GRIK4: variants seen among roughly 807,000 people sequenced by gnomAD.
GRIK4 encodes the protein glutamate ionotropic receptor kainate type subunit 4.
GRIK4 carries 40 observed loss-of-function variants against 104.9 expected under a neutral mutation model. The ratio of observed to expected loss-of-function variants is 0.38; its 90% CI spans 0.30 to 0.50. The LOEUF is 0.50. Among genes scored for constraint, GRIK4 ranks in the 20% least tolerant of loss-of-function variants. GRIK4 has a pLI of 0.93. For missense variants in GRIK4, 1,047 were observed against 1,308.1 expected, an observed-to-expected ratio of 0.80 and a Z score of 3.08; for synonymous variants, 485 against 524.9, an observed-to-expected ratio of 0.92 and a Z score of 1.04.
chr11:120,970,048 C>G (rs1944449524), intron 19 of GRIK4, among the ~76,000 whole-genome samples: 1 of 152,178 alleles, frequency 6.6e-6, no homozygotes, highest in South Asian at 2.1e-4. Flanking sequence ...CAGAGCCAGG[C>G]ACATAGTAGT....
At position 120,848,573 on chromosome 11, in the gene GRIK4, C is replaced by A. The variant is rs559499212; in HGVS notation, c.744+11729C>A. Among the ~76,000 whole-genome samples, 8 of 152,196 alleles carry A rather than the reference C, an allele frequency of 5.3e-5. No homozygotes were observed. The South Asian group carries it at 1.2e-3, about 24-fold the overall frequency. On this transcript the variant is annotated intron_variant, in intron 8 of 20. Transcript: ENST00000527524. ...TGCATGGGAACTTTCCCCAAGAGTA[C>A]CCCAATATTAGGCTGTTCTATTTGG...
At chr11:120,717,853 G>T (rs2852225) in intron 3 of GRIK4, among the ~76,000 whole-genome samples, 36,620 of 152,052 alleles carry the variant, frequency 0.24, 5,551 homozygotes, top group African/African-American at 0.44. Flanking sequence ...GAGGCTCCAC[G>T]GGCTTAGGCC....
In GRIK4 at chr11:120,831,844, C is replaced by T. The variant is rs1264983713; in HGVS notation, c.512-8C>T. The T allele has an allele frequency of 3.1e-6, 5 of 1,608,904 alleles. No individual in the cohort carries two copies. The highest frequency in any genetic ancestry group is 4.3e-6 in the Non-Finnish European group (5 of 1,175,938). On this transcript the variant is annotated splice_polypyrimidine_tract_variant and splice_region_variant and intron_variant, in intron 6 of 20. Coordinates refer to ENST00000527524, the MANE Select transcript of GRIK4 (RefSeq NM_014619.5). ...ACCCTCAGGGGCTTCATCCTCTCTC[C>T]CCTCCAGGCCTTTTAAACCTAGAGA...
chr11:120,599,875 C>T (rs895340209), intron 1 of GRIK4, among the ~76,000 whole-genome samples: 1 of 152,204 alleles, frequency 6.6e-6, no homozygotes, highest in Non-Finnish European at 1.5e-5. Flanking sequence ...ACAAGGGAAC[C>T]CCTGCCCCAG....
At chr11:120,717,112 T>C (rs949787421) in intron 3 of GRIK4, among the ~76,000 whole-genome samples, 1 of 152,208 alleles carries the variant, frequency 6.6e-6, no homozygotes, top group African/African-American at 2.4e-5. Flanking sequence ...AGATTTTTCC[T>C]GCCGACGGAA....
chr11:120,677,233 G>C (rs919692653), intron 3 of GRIK4, among the ~76,000 whole-genome samples: 7 of 152,328 alleles, frequency 4.6e-5, no homozygotes, highest in African/African-American at 1.7e-4. Flanking sequence ...GGCACTAAAG[G>C]AGTAGCCTGA....
At chr11:120,757,831 C>G (rs1238892050) in intron 3 of GRIK4, among the ~76,000 whole-genome samples, 2 of 152,172 alleles carry the variant, frequency 1.3e-5, no homozygotes, top group Non-Finnish European at 2.9e-5. Flanking sequence ...TCCGTTCCCA[C>G]CCCGCACAGG....
chr11:120,618,551 A>G (rs1422223775), intron 1 of GRIK4, among the ~76,000 whole-genome samples: 1 of 152,226 alleles, frequency 6.6e-6, no homozygotes, highest in Non-Finnish European at 1.5e-5. Flanking sequence ...TTCAGAGACC[A>G]TTGTGGCAGC....
chr11:120,919,247 G>A (rs1435192425), intron 13 of GRIK4, among the ~76,000 whole-genome samples: 1 of 152,182 alleles, frequency 6.6e-6, no homozygotes, highest in Non-Finnish European at 1.5e-5. Context: ...TGTCCACATC[G>A]CAGGCTGAAG....
chr11:120,919,565 C>A (rs1943183066), intron 13 of GRIK4, among the ~76,000 whole-genome samples: 1 of 152,162 alleles, frequency 6.6e-6, no homozygotes, highest in Non-Finnish European at 1.5e-5. Context: ...ACTTAACAGG[C>A]CCTCCAGGTG....
At chr11:120,921,662 G>A (rs1050644078) in intron 13 of GRIK4, among the ~76,000 whole-genome samples, 5 of 152,226 alleles carry the variant, frequency 3.3e-5, no homozygotes, top group South Asian at 4.2e-4. Context: ...CACTGCATGC[G>A]CGGCCCCATC....
intron 3 of GRIK4, among the ~76,000 whole-genome samples, chr11:120,750,208 C>G (rs1951523112): frequency 6.6e-6 from 1 of 151,952 alleles, no homozygotes; most frequent in African/African-American, 2.4e-5. Flanking sequence ...AGCCTGAGTG[C>G]CAAGTGTTTC....
At chr11:120,534,790 G>A (rs945279159) in intron 1 of GRIK4, among the ~76,000 whole-genome samples, 4 of 152,208 alleles carry the variant, frequency 2.6e-5, no homozygotes, top group African/African-American at 7.2e-5. Flanking sequence ...CTGCAGCCCA[G>A]CTGAGGAGAG....
intron 1 of GRIK4, among the ~76,000 whole-genome samples, chr11:120,626,607 C>T (rs922948891): frequency 7.9e-5 from 12 of 152,296 alleles, no homozygotes; most frequent in African/African-American, 2.9e-4. Flanking sequence ...GTCTCAAGCT[C>T]ACCTTGATCC....
intron 13 of GRIK4, among the ~76,000 whole-genome samples, chr11:120,928,693 C>T (rs1180116884): frequency 6.6e-6 from 1 of 152,176 alleles, no homozygotes; most frequent in Non-Finnish European, 1.5e-5. Flanking sequence ...CCTCTATAGG[C>T]CAATAACACA....
At chr11:120,824,537 CT>C (rs967209826) in intron 6 of GRIK4, among the ~76,000 whole-genome samples, 24 of 141,868 alleles carry the variant, frequency 1.7e-4, no homozygotes, top group Non-Finnish European at 2.4e-4. Context: ...TTTTTTCCTT[CT>C]TTTTTTTTTC....
intron 1 of GRIK4, among the ~76,000 whole-genome samples, chr11:120,639,516 C>A (rs776582376): frequency 1.4e-4 from 22 of 152,228 alleles, no homozygotes; most frequent in Non-Finnish European, 2.6e-4. Flanking sequence ...GCAGTCTCTC[C>A]TCTTGGGGTC....
At chr11:120,765,076 G>A (rs967734262) in intron 3 of GRIK4, among the ~76,000 whole-genome samples, 6 of 151,946 alleles carry the variant, frequency 3.9e-5, no homozygotes, top group African/African-American at 1.2e-4. Context: ...CATTCTCCCC[G>A]TCACTTTCAG....
chr11:120,903,209 G>A lies in GRIK4; in HGVS notation c.1273-2081G>A, dbSNP rs111922726. Among the ~76,000 whole-genome samples, 66 of 152,170 alleles carry A rather than the reference G, an allele frequency of 4.3e-4. No homozygotes were observed. The highest frequency in any genetic ancestry group is 1.5e-3 in the African/African-American group (63 of 41,492). The stretch of plus-strand genomic sequence containing the variant: ...ATTGTCCCTGCCACCCCTGCTCCCA[G>A]CTGCCTGTCTGCATCCAGCCTCCCC... On this transcript the variant is annotated intron_variant, in intron 12 of 20. Transcript: ENST00000527524. The surrounding 1 kb of genome is among the most constrained non-coding windows in gnomAD (Gnocchi z 4.4).
Sources: allele counts gnomAD v4.1 joint callset (sites outside exome capture counted in the v4.1 genomes callset), GRCh38; gene constraint gnomAD v4.1.1; non-coding constraint Gnocchi (gnomAD v3.1); transcripts MANE v1.5; gene names NCBI Gene and HGNC (gene_info 2026-07-23, HGNC 2026-07-21).